Variants in CUL4A observed in about 807,000 individuals in gnomAD.
CUL4A encodes cullin-4A.
In CUL4A, 16 loss-of-function variants were observed where a neutral mutation model predicts 95.5. The ratio of observed to expected loss-of-function variants is 0.17; its 90% confidence interval spans 0.11 to 0.25. The LOEUF is 0.25. Among genes scored for constraint, CUL4A ranks in the 10% least tolerant of loss-of-function variants. The pLI, the probability that CUL4A is intolerant of heterozygous loss-of-function variation, is 1.00. For missense variants in CUL4A, 610 were observed against 937.0 expected (o/e 0.65, Z 4.56); for synonymous variants, 380 against 353.1 (o/e 1.08, Z -0.85).
intron 18 of CUL4A, among the ~76,000 whole-genome samples, chr13:113,257,345 G>A (rs1269425005): frequency 6.6e-6 from 1 of 152,094 alleles, no homozygotes; most frequent in Non-Finnish European, 1.5e-5. Flanking sequence ...AACGTGTAAT[G>A]CTGTATTAGG....
intron 5 of CUL4A, 34 bp from the exon 6 acceptor site, chr13:113,233,143 T>C (rs779840000): frequency 5.7e-6 from 9 of 1,591,764 alleles, no homozygotes; most frequent in Non-Finnish European, 6.0e-6. Flanking sequence ...AAAGCGAAAC[T>C]AAAATGTAGT....
intron 15 of CUL4A, 152 bp from the exon 16 acceptor site, chr13:113,252,930 T>C (rs2042031300): frequency 2.1e-6 from 1 of 475,948 alleles, no homozygotes; most frequent in African/African-American, 2.0e-5. Context: ...ATTGAGGACG[T>C]TTTTACAAAT....
intron 2 of CUL4A, among the ~76,000 whole-genome samples, chr13:113,212,197 A>G (rs1024623011): frequency 6.6e-6 from 1 of 152,214 alleles, no homozygotes; most frequent in Non-Finnish European, 1.5e-5. Context: ...TGTATTCTGG[A>G]TACAAGTCCT....
At position 113,239,563 on chromosome 13, in the gene CUL4A, G is replaced by T. The variant is rs747031396; in HGVS notation, c.1035+12G>T. The T allele has an allele frequency of 1.9e-6, 3 of 1,596,396 alleles. No homozygotes were observed. Among genetic ancestry groups the T allele is most frequent in the Admixed American group, 3.4e-5 (2 of 58,360 alleles). ...GCGAGTACATCAAGGTACTGGCGGG[G>T]TTTTGAGGCCGCGGGCGTGGGCATT... is the stretch of plus-strand genomic sequence containing the variant. On this transcript the variant is annotated intron_variant, in intron 10 of 19. Transcript: ENST00000375440.
At chr13:113,215,196 G>C (rs2040606346) in intron 2 of CUL4A, among the ~76,000 whole-genome samples, 1 of 95,518 alleles carries the variant, frequency 1.0e-5, no homozygotes, top group Non-Finnish European at 2.5e-5. Context: ...TGTGGCTATG[G>C]AGGTCTGTGT....
chr13:113,234,467 G>A (rs1182098607), intron 7 of CUL4A, among the ~76,000 whole-genome samples: 1 of 152,146 alleles, frequency 6.6e-6, no homozygotes, highest in African/African-American at 2.4e-5. Context: ...TCACCCAAAT[G>A]GTGCGTGCTA....
At chr13:113,218,552 C>T (rs2040779021) in intron 2 of CUL4A, among the ~76,000 whole-genome samples, 1 of 152,192 alleles carries the variant, frequency 6.6e-6, no homozygotes, top group African/African-American at 2.4e-5. Context: ...AAACACACTC[C>T]AGTGACCCCC....
In CUL4A at chr13:113,235,163, G is replaced by A. The variant is rs774685646; in HGVS notation, c.848+18G>A. ...AGCACACAGTAAGTACCGTTTGCTCGCTGAGCGTTCGTATCTTCACCATGG... is the reference window on the plus strand; with the variant it reads ...AGCACACAGTAAGTACCGTTTGCTCACTGAGCGTTCGTATCTTCACCATGG... On this transcript the variant is annotated intron_variant, in intron 8 of 19. Transcript: ENST00000375440. 74 of 1,555,790 alleles carry A rather than the reference G, an allele frequency of 4.8e-5. 1 individual carries two copies. The highest frequency in any genetic ancestry group is 6.8e-5 in the South Asian group (6 of 88,290).
At chr13:113,215,211 G>A (rs751286388) in intron 2 of CUL4A, among the ~76,000 whole-genome samples, 1 of 93,648 alleles carries the variant, frequency 1.1e-5, no homozygotes, top group Non-Finnish European at 2.5e-5. Flanking sequence ...CTGTGTGGGA[G>A]TATGGAGGTC....
chr13:113,213,389 C>G (rs1037002889), intron 2 of CUL4A, among the ~76,000 whole-genome samples: 1 of 152,166 alleles, frequency 6.6e-6, no homozygotes, highest in Non-Finnish European at 1.5e-5. Context: ...GCCCAGTACT[C>G]AGTGCTTCGA....
At chr13:113,254,608 T>G in intron 16 of CUL4A, 85 bp from the exon 17 acceptor site, 2 of 958,332 alleles carry the variant, frequency 2.1e-6, no homozygotes, top group Non-Finnish European at 3.1e-6. Context: ...AAAAAAAAAG[T>G]TTGAGAGCAA....
intron 15 of CUL4A, 117 bp downstream of exon 15, chr13:113,246,180 A>G (rs964154152): frequency 1.4e-6 from 1 of 716,168 alleles, no homozygotes; most frequent in Non-Finnish European, 2.3e-6. Flanking sequence ...ACTCAGTCCA[A>G]AATCAAAGTG....
intron 5 of CUL4A, chr13:113,229,917 C>T (rs2041248960): frequency 4.6e-6 from 2 of 433,538 alleles, no homozygotes; most frequent in African/African-American, 4.0e-5. Flanking sequence ...ATGGCTTGCT[C>T]AGCCTCCCGG....
intron 3 of CUL4A, among the ~76,000 whole-genome samples, chr13:113,220,817 A>G (rs1567017756): frequency 6.6e-6 from 1 of 152,164 alleles, no homozygotes; most frequent in Non-Finnish European, 1.5e-5. Flanking sequence ...AGTGACCCCC[A>G]TGCCTGATTT....
At position 113,243,174 on chromosome 13, in the gene CUL4A, T is replaced by A; in HGVS notation, c.1228+14T>A. 6.3e-7 allele frequency: 1 copy of A among 1,575,502 alleles called. No homozygotes were observed. The highest frequency in any genetic ancestry group is 8.7e-7 in the Non-Finnish European group (1 of 1,153,638). Reference sequence around the variant, plus strand: ...CAGAACTGATCGGTAGAAAAATATTTGTTTTTTTTGTTTGTTTGTTTTTGA... The same window carrying A: ...CAGAACTGATCGGTAGAAAAATATTAGTTTTTTTTGTTTGTTTGTTTTTGA... On this transcript the variant is annotated intron_variant, in intron 11 of 19. Coordinates refer to ENST00000375440, the MANE Select transcript of CUL4A (RefSeq NM_001008895.4).
chr13:113,212,995 T>A (rs1250837590), intron 2 of CUL4A, among the ~76,000 whole-genome samples: 1 of 152,200 alleles, frequency 6.6e-6, no homozygotes, highest in African/African-American at 2.4e-5. Context: ...TGTTTCCATG[T>A]GAATTTTAGA....
chr13:113,246,286 C>G (rs2041855044), intron 15 of CUL4A, among the ~76,000 whole-genome samples: 1 of 152,204 alleles, frequency 6.6e-6, no homozygotes, highest in Non-Finnish European at 1.5e-5. Context: ...TGCTGACCTG[C>G]AGGGGGCCCA....
chr13:113,261,819 C>T (rs113461740), intron 19 of CUL4A, among the ~76,000 whole-genome samples: 1 of 151,980 alleles, frequency 6.6e-6, no homozygotes, highest in Non-Finnish European at 1.5e-5. Context: ...GTCTTGCTGT[C>T]CCCCAGGATG....
chr13:113,245,872 G>T, intron 14 of CUL4A, 84 bp from the exon 15 acceptor site: 2 of 1,032,016 alleles, frequency 1.9e-6, no homozygotes, highest in Non-Finnish European at 2.8e-6. Context: ...ACTTTATATT[G>T]AAAATTACAC....
Sources: gnomAD v4.1 joint callset for allele counts (sites outside exome capture counted in the v4.1 genomes callset) on GRCh38, gnomAD v4.1.1 for gene constraint, MANE v1.5 for transcripts, NCBI Gene and HGNC (gene_info 2026-07-23, HGNC 2026-07-21) for gene names.